CHSY3: variants seen among roughly 807,000 people sequenced by gnomAD.
The protein encoded by CHSY3 is chondroitin sulfate synthase 3, also known as N-acetylgalactosaminyl-proteoglycan 3-beta-glucuronosyltransferase 3.
A neutral mutation model predicts 67.2 loss-of-function variants in CHSY3; 35 were observed. The observed-to-expected ratio is 0.52, with a 90% confidence interval of 0.40 to 0.69. The LOEUF is 0.69. Ranked by LOEUF, CHSY3 falls within the 30% of genes least tolerant of loss-of-function variation. CHSY3 has a pLI of 0.00. For missense variants in CHSY3, 1,069 were observed against 1,138.5 expected (o/e 0.94, Z 0.88); for synonymous variants, 474 against 434.7 (o/e 1.09, Z -1.12).
chr5:129,995,389 A>G (rs1271786540), intron 2 of CHSY3, among the ~76,000 whole-genome samples: 1 of 152,098 alleles, frequency 6.6e-6, no homozygotes, highest in Non-Finnish European at 1.5e-5. Context: ...TGGCCTCTGC[A>G]CATCCATAAG....
chr5:130,067,530 G>T (rs1049366106), intron 2 of CHSY3, among the ~76,000 whole-genome samples: 1 of 152,058 alleles, frequency 6.6e-6, no homozygotes, highest in Non-Finnish European at 1.5e-5. Flanking sequence ...CTTTTTAGTG[G>T]TAGGAATGTT....
At chr5:130,154,187 G>C (rs1406688176) in intron 2 of CHSY3, among the ~76,000 whole-genome samples, 1 of 152,122 alleles carries the variant, frequency 6.6e-6, no homozygotes, top group African/African-American at 2.4e-5. Context: ...AAAGTGCTGG[G>C]ATTACAGGCA....
intron 2 of CHSY3, among the ~76,000 whole-genome samples, chr5:129,995,576 C>G (rs1763514354): frequency 6.7e-6 from 1 of 149,922 alleles, no homozygotes; most frequent in South Asian, 2.1e-4. Context: ...TGGCTGTGTA[C>G]TTTTAAGAAA....
At chr5:129,973,161 A>G (rs967753081) in intron 2 of CHSY3, among the ~76,000 whole-genome samples, 1 of 152,106 alleles carries the variant, frequency 6.6e-6, no homozygotes, top group Admixed American at 6.6e-5. Flanking sequence ...TTCTACACTG[A>G]TAATGTGTTA....
chr5:129,953,442 G>C (rs1762082444), intron 2 of CHSY3, among the ~76,000 whole-genome samples: 1 of 152,134 alleles, frequency 6.6e-6, no homozygotes, highest in African/African-American at 2.4e-5. Context: ...ATAAACATGT[G>C]TGTGCATGTG....
chr5:130,151,516 GC>G (rs765957000), intron 2 of CHSY3, among the ~76,000 whole-genome samples: 2 of 152,146 alleles, frequency 1.3e-5, no homozygotes, highest in Non-Finnish European at 2.9e-5. Flanking sequence ...TGTTGTGTTA[GC>G]CTGTTCTCTT....
At position 129,904,527 on chromosome 5, in the gene CHSY3, C is replaced by T. The variant is rs991329416; in HGVS notation, c.-303C>T. On this transcript the variant is annotated 5_prime_UTR_variant, in exon 1 of 3. Transcript: ENST00000305031. Reference sequence around the variant, plus strand: ...GCCGCCGCTGCTCCTCCTCCTCCTCCTGCAGCTCCTCCAGCTGCCGCTGCT... The same window carrying T: ...GCCGCCGCTGCTCCTCCTCCTCCTCTTGCAGCTCCTCCAGCTGCCGCTGCT... 6.6e-6 allele frequency: 2 copies of T among 301,604 alleles called. No homozygotes were observed. Among genetic ancestry groups the T allele is most frequent in the East Asian group, 6.5e-5 (1 of 15,476 alleles). 18.7% of individuals were successfully genotyped at this position (301,604 alleles called of 1,614,324 possible). A position where few individuals can be genotyped will look rare whatever the true frequency, so the allele number is the denominator to read the frequency against.
intron 2 of CHSY3, among the ~76,000 whole-genome samples, chr5:130,129,459 A>T (rs1768409356): frequency 6.6e-6 from 1 of 152,178 alleles, no homozygotes; most frequent in Admixed American, 6.5e-5. Context: ...CATATGGCAC[A>T]AATTAATTTA....
intron 2 of CHSY3, among the ~76,000 whole-genome samples, chr5:130,027,601 C>T (rs1031241412): frequency 3.3e-5 from 5 of 152,006 alleles, no homozygotes; most frequent in African/African-American, 1.2e-4. Flanking sequence ...AGGTATATCT[C>T]CTAATGTTTT....
At chr5:130,166,975 C>G (rs1769763888) in intron 2 of CHSY3, among the ~76,000 whole-genome samples, 1 of 151,886 alleles carries the variant, frequency 6.6e-6, no homozygotes, top group South Asian at 2.1e-4. Flanking sequence ...AGAAAAATTA[C>G]TAAAGGTGGA....
At chr5:130,010,218 A>G (rs1181574842) in intron 2 of CHSY3, among the ~76,000 whole-genome samples, 1 of 152,152 alleles carries the variant, frequency 6.6e-6, no homozygotes, top group African/African-American at 2.4e-5. Context: ...ACTAAGATCA[A>G]CCACACACTC....
chr5:130,164,462 T>C (rs1769665303), intron 2 of CHSY3, among the ~76,000 whole-genome samples: 1 of 152,144 alleles, frequency 6.6e-6, no homozygotes, highest in South Asian at 2.1e-4. Context: ...GGAAACTATA[T>C]TTGTTTCTTT....
At chr5:130,157,707 T>G (rs1769412898) in intron 2 of CHSY3, among the ~76,000 whole-genome samples, 1 of 151,990 alleles carries the variant, frequency 6.6e-6, no homozygotes, top group Non-Finnish European at 1.5e-5. Context: ...GAATTCGAGG[T>G]GAATCCATAG....
At chr5:130,125,737 G>A (rs1405521890) in intron 2 of CHSY3, among the ~76,000 whole-genome samples, 4 of 152,174 alleles carry the variant, frequency 2.6e-5, no homozygotes, top group African/African-American at 9.7e-5. Context: ...CTGTTGACTT[G>A]ATGGTGGCAA....
chr5:130,181,406 C>T (rs1214792046), intron 2 of CHSY3, among the ~76,000 whole-genome samples: 1 of 152,096 alleles, frequency 6.6e-6, no homozygotes, highest in African/African-American at 2.4e-5. Flanking sequence ...TCATCATTCT[C>T]AATAGACACT....
At chr5:130,098,764 C>G (rs1461728404) in intron 2 of CHSY3, among the ~76,000 whole-genome samples, 1 of 152,034 alleles carries the variant, frequency 6.6e-6, no homozygotes, top group East Asian at 1.9e-4. Context: ...ATAGAAGGTT[C>G]TTGACCAAAG....
At chr5:130,086,445 T>G (rs1027837679) in intron 2 of CHSY3, among the ~76,000 whole-genome samples, 10 of 152,056 alleles carry the variant, frequency 6.6e-5, no homozygotes, top group Non-Finnish European at 1.2e-4. Context: ...CTGCCTTTTT[T>G]TGTTTTCCAT....
In CHSY3 at chr5:129,911,071, T is replaced by A. The variant is rs569098652; in HGVS notation, c.1086+2711T>A. Among the ~76,000 whole-genome samples the A allele has an allele frequency of 4.0e-5, 6 of 151,872 alleles. No individual in the cohort carries two copies. In the South Asian group the frequency reaches 1.2e-3, roughly 31 times the overall value. On this transcript the variant is annotated intron_variant, in intron 2 of 2. Coordinates refer to ENST00000305031, the MANE Select transcript of CHSY3 (RefSeq NM_175856.5). ...GTGGCATGTTCATGATTTTTAAGTT[T>A]GAATAGATGAAGTGTTCATGATAGA...
intron 2 of CHSY3, among the ~76,000 whole-genome samples, chr5:129,919,730 G>C (rs1760855355): frequency 6.6e-6 from 1 of 152,110 alleles, no homozygotes; most frequent in Non-Finnish European, 1.5e-5. Context: ...TATGAGATTT[G>C]GGTGGGGACA....
Sources: allele counts gnomAD v4.1 joint callset (sites outside exome capture counted in the v4.1 genomes callset), GRCh38; gene constraint gnomAD v4.1.1; transcripts MANE v1.5; gene names NCBI Gene and HGNC (gene_info 2026-07-23, HGNC 2026-07-21).